Variants in IL17RB observed in about 807,000 individuals in gnomAD.
The protein encoded by IL17RB is interleukin 17 receptor B, also known as interleukin-17 receptor B.
In IL17RB, 36 loss-of-function variants were observed where a neutral mutation model predicts 43.9. The observed-to-expected ratio is 0.82, with a 90% CI of 0.63 to 1.08. IL17RB has a LOEUF of 1.08. IL17RB is among the 50% of genes least tolerant of loss of function. The pLI is 0.00. For synonymous variants in IL17RB, 225 were observed against 225.4 expected, an observed-to-expected ratio of 1.00 and a Z score of 0.02; for missense variants, 613 against 613.6, an observed-to-expected ratio of 1.00 and a Z score of 0.01.
rs534741053 is a variant in IL17RB, at chr3:53,855,497, G to C, written c.529+156G>C. 2.6e-5 allele frequency among the ~76,000 whole-genome samples: 4 copies of C among 152,232 alleles called. No homozygotes were observed. In the South Asian group the frequency reaches 8.3e-4, roughly 32 times the overall value. ...GGTGGCAGAAGCACCTATGGCTCCT[G>C]ATCTCCAGCCAGTACTTTGCCCACT... On this transcript the variant is annotated intron_variant, in intron 6 of 10. Coordinates refer to ENST00000288167, the MANE Select transcript of IL17RB (RefSeq NM_018725.4).
intron 10 of IL17RB, among the ~76,000 whole-genome samples, chr3:53,863,202 GTA>G (rs1699629572): frequency 6.6e-6 from 1 of 152,216 alleles, no homozygotes; most frequent in African/African-American, 2.4e-5. Flanking sequence ...CCAGTCAACA[GTA>G]GGCTATTAGA....
chr3:53,849,904 T>C (rs757315241), intron 3 of IL17RB, 109 bp downstream of exon 3: 20 of 1,078,198 alleles, frequency 1.9e-5, no homozygotes, highest in African/African-American at 6.4e-5. Context: ...CAGAAATACA[T>C]GCATACACGC....
intron 3 of IL17RB, among the ~76,000 whole-genome samples, chr3:53,851,465 G>T (rs1699144119): frequency 6.6e-6 from 1 of 152,200 alleles, no homozygotes; most frequent in African/African-American, 2.4e-5. Flanking sequence ...TGAGCTCTTT[G>T]TCAGCTGTGG....
chr3:53,853,147 A>G, intron 5 of IL17RB, 150 bp downstream of exon 5: 5 of 887,498 alleles, frequency 5.6e-6, no homozygotes, highest in Non-Finnish European at 7.2e-6. Context: ...AGTAGTAACC[A>G]TACTTTACCC....
At chr3:53,849,338 A>G (rs1029190811) in intron 2 of IL17RB, among the ~76,000 whole-genome samples, 3 of 152,326 alleles carry the variant, frequency 2.0e-5, no homozygotes, top group South Asian at 2.1e-4. Context: ...TATCTGGGCT[A>G]TAAATCAGCC....
Position 53,857,510 on chromosome 3 carries a change from A to G in IL17RB, c.673-106A>G, listed in dbSNP as rs9852243. 7.4e-4 allele frequency: 691 copies of G among 939,190 alleles called. 6 individuals are homozygous for G. The African/African-American group carries it at 9.6e-3, about 13-fold the overall frequency. 58.2% of individuals were successfully genotyped at this position (939,190 alleles called of 1,614,324 possible). On this transcript the variant is annotated intron_variant, in intron 7 of 10. Transcript: ENST00000288167. ...ATGTTGCCCAGGCTGGTCTCAAAAT[A>G]CTGGGCTCAAGCCATCTGCCTGCCT...
intron 4 of IL17RB, among the ~76,000 whole-genome samples, chr3:53,852,349 G>T (rs927324104): frequency 6.6e-6 from 1 of 152,132 alleles, no homozygotes; most frequent in African/African-American, 2.4e-5. Context: ...CCGTGTTGCT[G>T]GTCTTGAATT....
Position 53,857,605 on chromosome 3 carries a change from T to G in IL17RB, c.673-11T>G. On this transcript the variant is annotated splice_polypyrimidine_tract_variant and intron_variant, in intron 7 of 10. Transcript: ENST00000288167. ...TGGCACCTCATAATTCTTGACTCTCTCTCTCTTAAGCCACACCAGAAGAAA... is the reference window on the plus strand; with the variant it reads ...TGGCACCTCATAATTCTTGACTCTCGCTCTCTTAAGCCACACCAGAAGAAA... 1 of 1,613,714 alleles carries G rather than the reference T, an allele frequency of 6.2e-7. No homozygotes were observed. The highest frequency in any genetic ancestry group is 8.5e-7 in the Non-Finnish European group (1 of 1,179,642).
chr3:53,849,850 T>G, intron 3 of IL17RB, 55 bp downstream of exon 3: 2 of 1,506,618 alleles, frequency 1.3e-6, no homozygotes, highest in South Asian at 2.6e-5. Flanking sequence ...ATCAGAAATG[T>G]GCAGACTATA....
At chr3:53,847,931 G>T (rs1264696046) in intron 1 of IL17RB, among the ~76,000 whole-genome samples, 1 of 152,206 alleles carries the variant, frequency 6.6e-6, no homozygotes, top group Non-Finnish European at 1.5e-5. Flanking sequence ...TGGAAATGTG[G>T]ATGCTCAGCA....
chr3:53,858,879 C>T (rs1206802438), intron 9 of IL17RB, 61 bp downstream of exon 9: 1 of 1,313,232 alleles, frequency 7.6e-7, no homozygotes, highest in Non-Finnish European at 1.1e-6. Context: ...CACTGCCCCC[C>T]ACTCAGTATG....
At chr3:53,851,556 C>T (rs1360778021) in intron 3 of IL17RB, among the ~76,000 whole-genome samples, 1 of 152,152 alleles carries the variant, frequency 6.6e-6, no homozygotes, top group Non-Finnish European at 1.5e-5. Flanking sequence ...AAAGGACCTT[C>T]AGGGAGAAGA....
chr3:53,848,505 T>A (rs756250830), intron 1 of IL17RB, among the ~76,000 whole-genome samples, 159 bp from the exon 2 acceptor site: 1 of 152,120 alleles, frequency 6.6e-6, no homozygotes, highest in Non-Finnish European at 1.5e-5. Context: ...ACAGCTTAGT[T>A]CCCCCCTAAG....
rs180784043 is a variant in IL17RB, at chr3:53,854,278, T to C, written c.482-1016T>C. Among the ~76,000 whole-genome samples the C allele has an allele frequency of 7.2e-5, 11 of 152,360 alleles. No individual in the cohort carries two copies. The East Asian group carries it at 1.9e-3, about 27-fold the overall frequency. ...TATACCTCTCACCCAGCTTCTCCTA[T>C]TAACGTCTTGTATTACCATGATACA... On this transcript the variant is annotated intron_variant, in intron 5 of 10. Transcript: ENST00000288167.
At chr3:53,846,749 G>T in intron 1 of IL17RB, 101 bp downstream of exon 1, 1 of 1,287,306 alleles carries the variant, frequency 7.8e-7, no homozygotes, top group Admixed American at 2.4e-5. Context: ...AGGCGTGCGC[G>T]GACTGCCGGC....
chr3:53,847,296 C>T (rs1186549237), intron 1 of IL17RB, among the ~76,000 whole-genome samples: 1 of 152,190 alleles, frequency 6.6e-6, no homozygotes, highest in Admixed American at 6.5e-5. Context: ...ATGTCTTCAG[C>T]TCCTATCCTT....
intron 10 of IL17RB, 181 bp downstream of exon 10, chr3:53,860,409 C>T: frequency 4.6e-6 from 2 of 439,354 alleles, no homozygotes; most frequent in African/African-American, 2.0e-5. Context: ...TTACACATGC[C>T]AGGTGAAAGC....
intron 1 of IL17RB, among the ~76,000 whole-genome samples, chr3:53,848,144 G>A (rs114024546): frequency 4.5e-4 from 69 of 152,330 alleles, no homozygotes; most frequent in African/African-American, 1.5e-3. Flanking sequence ...TTATGGTTTC[G>A]TGAATTGCTC....
Position 53,857,608 on chromosome 3 carries a change from C to T in IL17RB, c.673-8C>T. On this transcript the variant is annotated splice_polypyrimidine_tract_variant and splice_region_variant and intron_variant, in intron 7 of 10. Coordinates refer to ENST00000288167, the MANE Select transcript of IL17RB (RefSeq NM_018725.4). ...CACCTCATAATTCTTGACTCTCTCT[C>T]TCTTAAGCCACACCAGAAGAAACAA... The T allele has an allele frequency of 6.2e-7, 1 of 1,613,768 alleles. No individual in the cohort carries two copies. The highest frequency in any genetic ancestry group is 1.1e-5 in the South Asian group (1 of 91,074).
Sources: allele counts gnomAD v4.1 joint callset (sites outside exome capture counted in the v4.1 genomes callset), GRCh38; gene constraint gnomAD v4.1.1; transcripts MANE v1.5; gene names NCBI Gene and HGNC (gene_info 2026-07-23, HGNC 2026-07-21).